Variants in ZNF567 observed in about 807,000 individuals in gnomAD.
The protein encoded by ZNF567 is zinc finger protein 567.
A neutral mutation model predicts 53.9 loss-of-function variants in ZNF567; 36 were observed. The ratio of observed to expected loss-of-function variants is 0.67; its 90% confidence interval spans 0.51 to 0.88. The LOEUF is 0.88. Among genes scored for constraint, ZNF567 ranks in the 40% least tolerant of loss-of-function variants. The pLI is 0.00. For missense variants in ZNF567, 619 were observed against 764.7 expected, an observed-to-expected ratio of 0.81 and a Z score of 2.25; for synonymous variants, 224 against 260.4, an observed-to-expected ratio of 0.86 and a Z score of 1.35.
the ZNF567 span, among the ~76,000 whole-genome samples, chr19:36,673,357 T>G: frequency 3.3e-5 from 5 of 152,208 alleles, no homozygotes; most frequent in South Asian, 2.1e-4. Flanking sequence ...TGCCCAGATA[T>G]TTGGTCAAAC....
chr19:36,718,864 C>T, intron 5 of ZNF567, 84 bp from the exon 6 acceptor site: 1 of 1,131,506 alleles, frequency 8.8e-7, no homozygotes, highest in Non-Finnish European at 1.2e-6. Flanking sequence ...TCTTTTTGCG[C>T]CATGTGCTAG....
the ZNF567 span, among the ~76,000 whole-genome samples, chr19:36,672,423 T>TA: frequency 1.3e-5 from 2 of 152,250 alleles, no homozygotes; most frequent in African/African-American, 4.8e-5. Context: ...GGATGTTTCA[T>TA]AATCGGGTGT....
At chr19:36,680,169 A>G in the ZNF567 span, among the ~76,000 whole-genome samples, 1 of 152,224 alleles carries the variant, frequency 6.6e-6, no homozygotes, top group African/African-American at 2.4e-5. Flanking sequence ...TTGTACAAAT[A>G]TATACAATTA....
intron 5 of ZNF567, among the ~76,000 whole-genome samples, chr19:36,716,832 A>AT (rs1045774947): frequency 9.4e-5 from 14 of 149,096 alleles, no homozygotes; most frequent in Non-Finnish European, 1.6e-4. Flanking sequence ...ATCATGTAAA[A>AT]TTTTTTTTTT....
chr19:36,712,735 G>A (rs1281969623), intron 4 of ZNF567, 46 bp from the exon 5 acceptor site: 1 of 1,564,832 alleles, frequency 6.4e-7, no homozygotes, highest in South Asian at 1.1e-5. Flanking sequence ...TCATTTTTCA[G>A]TGGTATTATA....
chr19:36,682,615 T>TA (rs955413219), upstream of ZNF567, among the ~76,000 whole-genome samples: 99 of 147,272 alleles, frequency 6.7e-4, 2 homozygotes, highest in Admixed American at 4.1e-3. Context: ...TTATTATTAT[T>TA]TTTTTTTTTT....
chr19:36,723,612 G>T (rs1024505740), downstream of ZNF567, among the ~76,000 whole-genome samples: 1 of 152,176 alleles, frequency 6.6e-6, no homozygotes, highest in African/African-American at 2.4e-5. Flanking sequence ...AAGGTGGGCA[G>T]ATCACCTAAG....
rs747615011 is a variant in ZNF567, at chr19:36,719,837, G to T, written c.1113G>T (p.Gly371=). 13 of 1,613,426 alleles carry T rather than the reference G, an allele frequency of 8.1e-6. No individual in the cohort carries two copies. In the Middle Eastern group the frequency reaches 5.0e-4, roughly 61 times the overall value. ...AACCATATGAGTGTAATGACTGTGG[G>T]AAGTCCTTCCGCCAGAAGACAACAC... ...GEKPYECNDC[G]KSFRQKTTLS... The change falls in exon 6 of 6, where the codon GGG becomes GGT. Residue 371 remains glycine, a synonymous_variant. Coordinates refer to ENST00000682579, the MANE Select transcript of ZNF567 (RefSeq NM_001322917.1).
At chr19:36,675,492 G>A in the ZNF567 span, among the ~76,000 whole-genome samples, 1 of 152,022 alleles carries the variant, frequency 6.6e-6, no homozygotes, top group Non-Finnish European at 1.5e-5. Flanking sequence ...GATCAACATC[G>A]TGAAACCCTG....
chr19:36,672,768 A>G, the ZNF567 span, among the ~76,000 whole-genome samples: 1 of 152,174 alleles, frequency 6.6e-6, no homozygotes, highest in Non-Finnish European at 1.5e-5. Flanking sequence ...CTGACACAAA[A>G]TGCTTCTGCC....
At chr19:36,702,637 T>G (rs2039262700) in intron 3 of ZNF567, among the ~76,000 whole-genome samples, 1 of 152,206 alleles carries the variant, frequency 6.6e-6, no homozygotes, top group Non-Finnish European at 1.5e-5. Context: ...TTTATTCTTT[T>G]TTCTCTAAAC....
chr19:36,675,744 GA>G, the ZNF567 span, among the ~76,000 whole-genome samples: 1 of 152,244 alleles, frequency 6.6e-6, no homozygotes, highest in Non-Finnish European at 1.5e-5. Flanking sequence ...AGCTACACAG[GA>G]GGCTGAGGCA....
the ZNF567 span, among the ~76,000 whole-genome samples, chr19:36,681,596 T>G: frequency 2.8e-5 from 3 of 108,808 alleles, no homozygotes; most frequent in Admixed American, 2.6e-4. Context: ...CCCAGCTAAT[T>G]TTTTGTATTT....
intron 3 of ZNF567, among the ~76,000 whole-genome samples, chr19:36,709,093 A>G (rs1476302863): frequency 6.6e-6 from 1 of 152,182 alleles, no homozygotes; most frequent in East Asian, 1.9e-4. Context: ...GTGGTATTAG[A>G]AGGGTCTGTA....
chr19:36,712,102 A>C, intron 3 of ZNF567: 2 of 299,150 alleles, frequency 6.7e-6, no homozygotes, highest in South Asian at 3.3e-5. Flanking sequence ...GCTGGAGTGC[A>C]GTGGCATGAT....
At chr19:36,667,283 CA>C in the ZNF567 span, among the ~76,000 whole-genome samples, 1 of 150,364 alleles carries the variant, frequency 6.7e-6, no homozygotes, top group Admixed American at 6.6e-5. Flanking sequence ...TGGCTCACGC[CA>C]AGGCGGGCGG....
At chr19:36,721,696 G>A (rs1217934268), downstream of ZNF567, among the ~76,000 whole-genome samples, 2 of 151,268 alleles carry the variant, frequency 1.3e-5, no homozygotes, top group East Asian at 3.9e-4. Flanking sequence ...ACATTGAGAA[G>A]GGAAATAGGT....
At chr19:36,696,396 T>C (rs1415710536) in intron 3 of ZNF567, among the ~76,000 whole-genome samples, 3 of 152,224 alleles carry the variant, frequency 2.0e-5, no homozygotes, top group African/African-American at 7.2e-5. Context: ...TCTTTTTTGA[T>C]GTATTGTCGA....
chr19:36,702,214 G>A (rs1465528854), intron 3 of ZNF567, among the ~76,000 whole-genome samples: 1 of 152,032 alleles, frequency 6.6e-6, no homozygotes, highest in African/African-American at 2.4e-5. Context: ...GAAATTCTGG[G>A]TTGAAAATTC....
Sources: gnomAD v4.1 joint callset for allele counts (sites outside exome capture counted in the v4.1 genomes callset) on GRCh38, gnomAD v4.1.1 for gene constraint, MANE v1.5 for transcripts, NCBI Gene and HGNC (gene_info 2026-07-23, HGNC 2026-07-21) for gene names.